TTLL7: variants seen among roughly 807,000 people sequenced by gnomAD.
TTLL7 encodes tubulin polyglutamylase TTLL7.
Under a neutral mutation model 120.2 loss-of-function variants are expected in TTLL7, and 53 were observed. The observed-to-expected ratio is 0.44, with a 90% CI of 0.35 to 0.55. The LOEUF is 0.55. Ranked by LOEUF, TTLL7 falls within the 20% of genes least tolerant of loss-of-function variation. The probability of loss-of-function intolerance (pLI) is 0.00; values close to 1 mark genes in which losing one functional copy is unlikely to be tolerated. For missense variants in TTLL7, 803 were observed against 1,054.7 expected (o/e 0.76, Z 3.31); for synonymous variants, 353 against 351.7 (o/e 1.00, Z -0.04).
intron 1 of TTLL7, among the ~76,000 whole-genome samples, chr1:83,956,070 A>G (rs1649482540): frequency 6.6e-6 from 1 of 152,148 alleles, no homozygotes; most frequent in African/African-American, 2.4e-5. Flanking sequence ...AAGCAAATAC[A>G]TGTAATTTAC....
chr1:83,892,683 C>CATATATATGAACATATGAAA (rs1655759590), intron 18 of TTLL7, among the ~76,000 whole-genome samples: 1 of 123,690 alleles, frequency 8.1e-6, no homozygotes, highest in Non-Finnish European at 1.8e-5. Flanking sequence ...AACATATGAA[C>CATATATATGAACATATGAAA]ATATATATGA....
intron 14 of TTLL7, among the ~76,000 whole-genome samples, chr1:83,914,360 T>C (rs1435587626): frequency 1.6e-5 from 2 of 123,484 alleles, no homozygotes; most frequent in African/African-American, 3.0e-5. Flanking sequence ...TGAGACAGAG[T>C]CTTGCTCTGT....
At chr1:83,947,838 A>G (rs1648654363) in intron 5 of TTLL7, among the ~76,000 whole-genome samples, 1 of 152,130 alleles carries the variant, frequency 6.6e-6, no homozygotes, top group Non-Finnish European at 1.5e-5. Flanking sequence ...TTAGAGTCAG[A>G]AAGTTTACTA....
rs1054041351 is a variant in TTLL7, at chr1:83,866,248, G to T, written c.*3714C>A. On this transcript the variant is annotated 3_prime_UTR_variant, in exon 21 of 21. Coordinates refer to ENST00000260505, the MANE Select transcript of TTLL7 (RefSeq NM_024686.6). ...AAAATCAAATAATGGCATTTCTGCAGCTATCAATTTTTTGATACTTTTGAA... is the reference window on the plus strand; with the variant it reads ...AAAATCAAATAATGGCATTTCTGCATCTATCAATTTTTTGATACTTTTGAA... 2.0e-5 allele frequency: 3 copies of T among 151,762 alleles called. No individual in the cohort carries two copies. The highest frequency in any genetic ancestry group is 7.2e-5 in the African/African-American group (3 of 41,412). The allele number at this position is 151,762 out of a possible 1,614,324, so 9.4% of individuals were successfully genotyped here.
chr1:83,937,351 G>A (rs1482504323), intron 8 of TTLL7, among the ~76,000 whole-genome samples: 7 of 151,866 alleles, frequency 4.6e-5, no homozygotes, highest in Admixed American at 6.6e-5. Flanking sequence ...ACAGGAGCGC[G>A]CCACCACATC....
At chr1:83,883,788 C>T (rs1401006760) in intron 19 of TTLL7, among the ~76,000 whole-genome samples, 1 of 152,010 alleles carries the variant, frequency 6.6e-6, no homozygotes, top group Non-Finnish European at 1.5e-5. Flanking sequence ...TTGTTGACCT[C>T]TCTTCACTAG....
At chr1:83,975,931 TAATAG>T (rs1463754601) in intron 1 of TTLL7, among the ~76,000 whole-genome samples, 1 of 151,868 alleles carries the variant, frequency 6.6e-6, no homozygotes, top group African/African-American at 2.4e-5. Flanking sequence ...TTATTTGAAA[TAATAG>T]AATAGAATAC....
intron 10 of TTLL7, among the ~76,000 whole-genome samples, chr1:83,922,052 G>A (rs1031239251): frequency 5.9e-5 from 9 of 151,984 alleles, no homozygotes; most frequent in East Asian, 1.9e-4. Context: ...TCCCTGCCAC[G>A]TAGCTGGTGA....
intron 12 of TTLL7, 72 bp from the exon 13 acceptor site, chr1:83,919,906 T>C (rs771882216): frequency 9.7e-6 from 14 of 1,441,196 alleles, no homozygotes; most frequent in African/African-American, 5.6e-5. Flanking sequence ...ATCAACTCCA[T>C]AGACAATCCT....
chr1:83,974,920 T>C lies in TTLL7; in HGVS notation c.-176-22533A>G, dbSNP rs555058557. On this transcript the variant is annotated intron_variant, in intron 1 of 20. Transcript: ENST00000260505. ...CATAATTCACTGAAATAGTTACATA[T>C]GTAACTTAGCTCCTGATGATAAAAA... Among the ~76,000 whole-genome samples the C allele has an allele frequency of 3.7e-4, 57 of 152,184 alleles. 2 individuals are homozygous for C. The South Asian group carries it at 0.011, about 29-fold the overall frequency.
intron 20 of TTLL7, among the ~76,000 whole-genome samples, chr1:83,882,504 T>C (rs1654606376): frequency 6.6e-6 from 1 of 151,942 alleles, no homozygotes; most frequent in Admixed American, 6.6e-5. Context: ...ATTTTTCAAA[T>C]AGAACTTGAC....
chr1:83,930,761 T>C (rs1430894590), intron 9 of TTLL7, among the ~76,000 whole-genome samples: 1 of 152,120 alleles, frequency 6.6e-6, no homozygotes, highest in African/African-American at 2.4e-5. Context: ...GAGTTTCCAT[T>C]CCAAATTTCA....
intron 1 of TTLL7, among the ~76,000 whole-genome samples, chr1:83,974,286 A>G (rs1361531923): frequency 1.3e-5 from 2 of 152,016 alleles, no homozygotes; most frequent in African/African-American, 4.8e-5. Context: ...CCATTATAGA[A>G]GCTGTCATTG....
At chr1:83,938,511 A>G (rs1232491510) in intron 7 of TTLL7, among the ~76,000 whole-genome samples, 1 of 152,124 alleles carries the variant, frequency 6.6e-6, no homozygotes, top group Non-Finnish European at 1.5e-5. Flanking sequence ...ACCAAACACA[A>G]CCTCTGCACA....
intron 10 of TTLL7, among the ~76,000 whole-genome samples, chr1:83,928,301 CAATT>C (rs1659307610): frequency 1.3e-5 from 2 of 152,224 alleles, no homozygotes; most frequent in South Asian, 2.1e-4. Context: ...TCTTGAATGA[CAATT>C]AAATAAATTG....
chr1:83,890,573 G>T, intron 18 of TTLL7, 92 bp from the exon 19 acceptor site: 1 of 1,032,262 alleles, frequency 9.7e-7, no homozygotes, highest in Non-Finnish European at 1.4e-6. Context: ...TTCCAGACCA[G>T]CCTGGGCAAT....
chr1:83,903,311 T>A (rs1656883111), intron 18 of TTLL7, among the ~76,000 whole-genome samples: 1 of 152,008 alleles, frequency 6.6e-6, no homozygotes, highest in Non-Finnish European at 1.5e-5. Flanking sequence ...CCTCAGCATC[T>A]CTGTATTTGT....
chr1:83,871,576 T>C (rs1379723361), intron 20 of TTLL7, among the ~76,000 whole-genome samples: 1 of 152,084 alleles, frequency 6.6e-6, no homozygotes, highest in East Asian at 1.9e-4. Context: ...ATCAAATCGT[T>C]TATTTTCTTC....
At chr1:83,890,602 T>G in intron 18 of TTLL7, 121 bp from the exon 19 acceptor site, 1 of 666,740 alleles carries the variant, frequency 1.5e-6, no homozygotes, top group Non-Finnish European at 2.4e-6. Flanking sequence ...AACCTGTCTC[T>G]ACAAAACTGT....
Sources: gnomAD v4.1 joint callset for allele counts (sites outside exome capture counted in the v4.1 genomes callset) on GRCh38, gnomAD v4.1.1 for gene constraint, MANE v1.5 for transcripts, NCBI Gene and HGNC (gene_info 2026-07-23, HGNC 2026-07-21) for gene names.